The following SLC2A11 variants were observed in gnomAD, a reference collection of about 807,000 sequenced individuals.
SLC2A11 encodes solute carrier family 2 member 11.
In SLC2A11, 43 loss-of-function variants were observed where a neutral mutation model predicts 52.1. That is an observed-to-expected ratio of 0.82 (90% confidence interval 0.65 to 1.06). The LOEUF is 1.06. Among genes scored for constraint, SLC2A11 ranks in the 50% least tolerant of loss-of-function variants. The pLI, the probability that SLC2A11 is intolerant of heterozygous loss-of-function variation, is 0.00. For synonymous variants in SLC2A11, 261 were observed against 277.6 expected (o/e 0.94, Z 0.59); for missense variants, 582 against 654.2 (o/e 0.89, Z 1.20).
upstream of SLC2A11, chr22:23,857,412 G>A: frequency 1.3e-6 from 2 of 1,598,628 alleles, no homozygotes; most frequent in Non-Finnish European, 1.7e-6. Flanking sequence ...GCTCCCTTCC[G>A]GCCTGCAGAG....
chr22:23,883,810 C>A lies in SLC2A11; in HGVS notation c.1032C>A (p.Leu344=), dbSNP rs747775836. 11 of 1,564,046 alleles carry A rather than the reference C, an allele frequency of 7.0e-6. No homozygotes were observed. The Admixed American group carries it at 2.3e-4, about 33-fold the overall frequency. Residue 344 remains leucine (L), a synonymous_variant, in exon 9 of 12, where the codon CTC becomes CTA. Transcript: ENST00000316185. ...AGAGGGTGGGTCGGCGCGTGCTGCT[C>A]ATCGGTGGGTACAGCCTGATGACCT... The part of the protein sequence containing the change: ...VIERVGRRVL[L]IGGYSLMTCW...
At chr22:23,876,592 TG>T (rs964292915) in intron 4 of SLC2A11, among the ~76,000 whole-genome samples, 1 of 152,124 alleles carries the variant, frequency 6.6e-6, no homozygotes, top group African/African-American at 2.4e-5. Context: ...GGGTCTTCCC[TG>T]GGGGAGCCAG....
At chr22:23,859,492 A>AT (rs11284722) in intron 1 of SLC2A11, among the ~76,000 whole-genome samples, 56 of 147,934 alleles carry the variant, frequency 3.8e-4, no homozygotes, top group Admixed American at 1.7e-3. Context: ...AACATTCAGC[A>AT]TTTTTTTTTT....
Position 23,885,098 on chromosome 22 carries a change from A to G in SLC2A11, c.*249A>G, listed in dbSNP as rs925434328. 4 of 541,070 alleles carry G rather than the reference A, an allele frequency of 7.4e-6. No individual in the cohort carries two copies. The highest frequency in any genetic ancestry group is 9.7e-6 in the Non-Finnish European group (3 of 308,346). 33.5% of individuals were successfully genotyped at this position (541,070 alleles called of 1,614,324 possible). ...CTGGTTGTGGCAGCTCATGACTGTA[A>G]TCCCAGCACTTTGGGAGGCCAAGGT... is the stretch of plus-strand genomic sequence containing the variant. On this transcript the variant is annotated 3_prime_UTR_variant, in exon 12 of 12. Coordinates refer to ENST00000316185, the MANE Select transcript of SLC2A11 (RefSeq NM_001024939.4).
At position 23,882,333 on chromosome 22, in the gene SLC2A11, G is replaced by C. The variant is rs1010485135; in HGVS notation, c.695-126G>C. 4.4e-5 allele frequency: 36 copies of C among 813,600 alleles called. No homozygotes were observed. In the South Asian group the frequency reaches 4.9e-4, roughly 11 times the overall value. 50.4% of individuals were successfully genotyped at this position (813,600 alleles called of 1,614,324 possible). A position where few individuals can be genotyped will look rare whatever the true frequency, so the allele number is the denominator to read the frequency against. ...AGAGAGAGAGACACACACACACACA[G>C]ACAGACTCAGAGACAGAGAGTGAGC... On this transcript the variant is annotated intron_variant, in intron 6 of 11. Transcript: ENST00000316185.
intron 4 of SLC2A11, 89 bp from the exon 5 acceptor site, chr22:23,876,953 T>C (rs2032630950): frequency 2.5e-6 from 4 of 1,600,052 alleles, no homozygotes; most frequent in Middle Eastern, 3.6e-4. Context: ...GGCTGGACAG[T>C]GCTGAGTGGG....
At chr22:23,883,711 C>G in intron 8 of SLC2A11, 61 bp from the exon 9 acceptor site, 1 of 1,384,060 alleles carries the variant, frequency 7.2e-7, no homozygotes. Flanking sequence ...CTTCCCATTG[C>G]CTGCCCCAGA....
chr22:23,860,251 T>G (rs2032001318), intron 1 of SLC2A11, among the ~76,000 whole-genome samples: 1 of 151,970 alleles, frequency 6.6e-6, no homozygotes, highest in African/African-American at 2.4e-5. Context: ...TGAAATCCCA[T>G]CTCTACAAAA....
intron 2 of SLC2A11, among the ~76,000 whole-genome samples, chr22:23,863,731 G>A (rs960082659): frequency 1.3e-5 from 2 of 149,310 alleles, no homozygotes; most frequent in African/African-American, 2.5e-5. Flanking sequence ...GCGCTCAAGC[G>A]ATCCTCCTAC....
chr22:23,864,376 C>T (rs895771686), intron 2 of SLC2A11, among the ~76,000 whole-genome samples: 11 of 152,170 alleles, frequency 7.2e-5, no homozygotes, highest in African/African-American at 2.7e-4. Context: ...AGCTGGAGTG[C>T]GATGGCGTGA....
Position 23,884,243 on chromosome 22 carries a change from G to T in SLC2A11, c.1172-59G>T. ...CCACTCCCATGTCTGGGCTGGGGTC[G>T]GGGAGAGGCAGGCAGGGAACCCTGG... On this transcript the variant is annotated intron_variant, in intron 10 of 11. Transcript: ENST00000316185. This position sits in a 1 kb window ranked among gnomAD's most constrained non-coding sequence, Gnocchi z 4.3. 1 of 1,571,522 alleles carries T rather than the reference G, an allele frequency of 6.4e-7. No individual in the cohort carries two copies. Among genetic ancestry groups the T allele is most frequent in the South Asian group, 1.2e-5 (1 of 85,532 alleles).
intron 2 of SLC2A11, among the ~76,000 whole-genome samples, chr22:23,863,911 A>G (rs2032167735): frequency 6.6e-6 from 1 of 152,062 alleles, no homozygotes; most frequent in Non-Finnish European, 1.5e-5. Flanking sequence ...GATTACAGGC[A>G]TGAGCCACCG....
intron 3 of SLC2A11, chr22:23,873,232 G>A (rs1174055368): frequency 1.3e-5 from 2 of 152,046 alleles, no homozygotes; most frequent in African/African-American, 4.8e-5. Context: ...ATGTTGGTCA[G>A]GCTGGTCCCG....
upstream of SLC2A11, chr22:23,857,575 A>G: frequency 8.2e-7 from 1 of 1,225,494 alleles, no homozygotes; most frequent in Non-Finnish European, 1.1e-6. Context: ...CGGTGACCCC[A>G]AACCCCCCCC....
chr22:23,866,279 C>A (rs2032262686), intron 2 of SLC2A11: 1 of 153,390 alleles, frequency 6.5e-6, no homozygotes, highest in African/African-American at 2.4e-5. Flanking sequence ...GGGAGGCTGG[C>A]CCTGGTCCCA....
intron 1 of SLC2A11, among the ~76,000 whole-genome samples, chr22:23,861,676 G>C (rs115548763): frequency 0.43 from 64,736 of 151,868 alleles, 14,189 homozygotes; most frequent in African/African-American, 0.53. Context: ...GATTCCTGGA[G>C]CCTGGCCACT....
At chr22:23,883,079 T>G in intron 8 of SLC2A11, 1 of 643,006 alleles carries the variant, frequency 1.6e-6, no homozygotes, top group Middle Eastern at 3.3e-4. Context: ...GCCAACACAG[T>G]GAAACCCCCG....
At chr22:23,875,809 T>A (rs1291667486) in intron 4 of SLC2A11, among the ~76,000 whole-genome samples, 1 of 152,192 alleles carries the variant, frequency 6.6e-6, no homozygotes, top group African/African-American at 2.4e-5. Context: ...CAAAATTAAG[T>A]GACTTAAAAT....
chr22:23,869,947 T>G (rs1227887371), intron 3 of SLC2A11: 2 of 714,882 alleles, frequency 2.8e-6, no homozygotes, highest in Non-Finnish European at 5.2e-6. Context: ...CCAGCCCTTT[T>G]ATAAAGCACT....
Sources: allele counts gnomAD v4.1 joint callset (sites outside exome capture counted in the v4.1 genomes callset), GRCh38; gene constraint gnomAD v4.1.1; non-coding constraint Gnocchi (gnomAD v3.1); transcripts MANE v1.5; gene names NCBI Gene and HGNC (gene_info 2026-07-23, HGNC 2026-07-21).